Variants in PPP1R1C observed in about 807,000 individuals in gnomAD.
PPP1R1C encodes the protein protein phosphatase 1 regulatory subunit 1C.
In PPP1R1C, 15 loss-of-function variants were observed where a neutral mutation model predicts 17.4. The ratio of observed to expected loss-of-function variants is 0.86; its 90% confidence interval spans 0.58 to 1.33. PPP1R1C has a LOEUF of 1.33. Ranked by LOEUF, PPP1R1C falls within the 40% of genes most tolerant of loss-of-function variation. The pLI, the probability that PPP1R1C is intolerant of heterozygous loss-of-function variation, is 0.00. For missense variants in PPP1R1C, 143 were observed against 130.0 expected (o/e 1.10, Z -0.48); for synonymous variants, 35 against 43.1 (o/e 0.81, Z 0.73).
chr2:181,980,256 T>C (rs1685169206), intron 2 of PPP1R1C, among the ~76,000 whole-genome samples: 1 of 152,180 alleles, frequency 6.6e-6, no homozygotes, highest in Admixed American at 6.5e-5. Flanking sequence ...CATTTAATAA[T>C]CATCTCTCCA....
At chr2:181,994,310 AT>A (rs1169223837) in intron 2 of PPP1R1C, among the ~76,000 whole-genome samples, 2 of 152,200 alleles carry the variant, frequency 1.3e-5, no homozygotes, top group Admixed American at 1.3e-4. Context: ...AAGAAAAAAA[AT>A]GTAAGGATTG....
chr2:182,067,975 C>G (rs983561560), intron 4 of PPP1R1C, among the ~76,000 whole-genome samples: 1 of 152,102 alleles, frequency 6.6e-6, no homozygotes, highest in South Asian at 2.1e-4. Flanking sequence ...ATTACTGAAC[C>G]GGTATTCTTT....
At chr2:182,086,919 G>T (rs1688644280) in intron 4 of PPP1R1C, among the ~76,000 whole-genome samples, 1 of 143,368 alleles carries the variant, frequency 7.0e-6, no homozygotes, top group Non-Finnish European at 1.6e-5. Context: ...TTCACTACAG[G>T]GGAGAAAATA....
chr2:182,070,990 T>C (rs1379734746), intron 4 of PPP1R1C, among the ~76,000 whole-genome samples: 2 of 152,058 alleles, frequency 1.3e-5, no homozygotes, highest in Admixed American at 1.3e-4. Flanking sequence ...TGCTAACCCA[T>C]TCATGAAGGA....
chr2:182,078,164 G>T (rs2125210614), intron 4 of PPP1R1C, among the ~76,000 whole-genome samples: 1 of 152,262 alleles, frequency 6.6e-6, no homozygotes, highest in Admixed American at 6.5e-5. Flanking sequence ...TGGGTGAAAA[G>T]AACCTGAGCC....
At chr2:182,041,996 A>T (rs961132623) in intron 2 of PPP1R1C, among the ~76,000 whole-genome samples, 5 of 152,118 alleles carry the variant, frequency 3.3e-5, no homozygotes, top group Admixed American at 2.0e-4. Flanking sequence ...ACTTCTGGTA[A>T]TCTGGGTCAG....
At chr2:182,070,940 T>A (rs1351242781) in intron 4 of PPP1R1C, among the ~76,000 whole-genome samples, 1 of 151,822 alleles carries the variant, frequency 6.6e-6, no homozygotes. Context: ...TCACAATAAC[T>A]CCCTCACACA....
intron 5 of PPP1R1C, among the ~76,000 whole-genome samples, chr2:182,125,479 G>T (rs1316179172): frequency 1.3e-5 from 2 of 152,102 alleles, no homozygotes; most frequent in African/African-American, 4.8e-5. Context: ...AAAGGTACCA[G>T]CTCCTCTTTG....
At chr2:182,014,380 C>G (rs957844744) in intron 2 of PPP1R1C, among the ~76,000 whole-genome samples, 1 of 152,162 alleles carries the variant, frequency 6.6e-6, no homozygotes, top group Non-Finnish European at 1.5e-5. Flanking sequence ...TCTTTCATTA[C>G]TTTCCCCCAA....
chr2:181,987,585 G>T (rs1574354217), intron 1 of PPP1R1C, among the ~76,000 whole-genome samples: 1 of 152,212 alleles, frequency 6.6e-6, no homozygotes, highest in Non-Finnish European at 1.5e-5. Context: ...GTATCATTCA[G>T]TTGTATATAA....
rs1019512594 is a variant in PPP1R1C, at chr2:181,987,762, C to A, written c.82-77C>A. 4.1e-6 allele frequency: 6 copies of A among 1,462,172 alleles called. No individual in the cohort carries two copies. In the African/African-American group the frequency reaches 5.6e-5, roughly 14 times the overall value. The allele number at this position is 1,462,172 out of a possible 1,614,324, so 90.6% of individuals were successfully genotyped here. On this transcript the variant is annotated intron_variant, in intron 1 of 4. Transcript: ENST00000682840. Reference sequence around the variant, plus strand: ...ATGTGGGGAAAAGATGAGGGTGAGACAGCTTTGCAAGCTGCAGAGTAACCT... The same window carrying A: ...ATGTGGGGAAAAGATGAGGGTGAGAAAGCTTTGCAAGCTGCAGAGTAACCT...
intron 4 of PPP1R1C, among the ~76,000 whole-genome samples, chr2:182,081,848 G>A (rs905783545): frequency 2.0e-5 from 3 of 152,100 alleles, no homozygotes; most frequent in Admixed American, 1.3e-4. Flanking sequence ...ATATAGATTT[G>A]TTTATCCTGC....
At chr2:181,983,962 T>C (rs1386370687), upstream of PPP1R1C, among the ~76,000 whole-genome samples, 1 of 152,212 alleles carries the variant, frequency 6.6e-6, no homozygotes, top group East Asian at 1.9e-4. Context: ...CTGATCAACC[T>C]ATTCAAAATA....
At chr2:182,040,425 T>C (rs370708064) in intron 2 of PPP1R1C, among the ~76,000 whole-genome samples, 40 of 152,354 alleles carry the variant, frequency 2.6e-4, no homozygotes, top group African/African-American at 9.6e-4. Context: ...ATTTTCTTCA[T>C]ACATTTATTG....
chr2:182,109,534 A>C (rs1486467508), intron 4 of PPP1R1C, among the ~76,000 whole-genome samples: 2 of 152,136 alleles, frequency 1.3e-5, no homozygotes, highest in Non-Finnish European at 2.9e-5. Flanking sequence ...GTAGTGTCTG[A>C]ATCTAGATTA....
intron 4 of PPP1R1C, among the ~76,000 whole-genome samples, chr2:182,111,717 T>C (rs1363205731): frequency 6.6e-6 from 1 of 151,478 alleles, no homozygotes; most frequent in Non-Finnish European, 1.5e-5. Flanking sequence ...TTAAATTATA[T>C]TGAGTCATAA....
Position 182,040,672 on chromosome 2 carries a change from A to G in PPP1R1C, c.143-20770A>G, listed in dbSNP as rs1687154439. ...TTTTTGGTTTAAATAAATCCCATTT[A>G]TATATTTTTGTTTTTGTTGCATTTG... On this transcript the variant is annotated intron_variant, in intron 2 of 4. Coordinates refer to ENST00000682840, the MANE Select transcript of PPP1R1C (RefSeq NM_001080545.3). 3.3e-5 allele frequency among the ~76,000 whole-genome samples: 5 copies of G among 152,214 alleles called. No homozygotes were observed. In the South Asian group the frequency reaches 1.0e-3, roughly 32 times the overall value.
chr2:182,129,883 A>T (rs1441750414), exon 6 of PPP1R1C: 1 of 152,180 alleles, frequency 6.6e-6, no homozygotes, highest in African/African-American at 2.4e-5. Context: ...ACTTTTGCTA[A>T]TGAGGCTAAG....
At chr2:182,097,497 G>A (rs1250231119) in intron 4 of PPP1R1C, among the ~76,000 whole-genome samples, 1 of 152,156 alleles carries the variant, frequency 6.6e-6, no homozygotes, top group African/African-American at 2.4e-5. Flanking sequence ...AGTTCTAAGT[G>A]AATTGACAGG....
Sources: gnomAD v4.1 joint callset for allele counts (sites outside exome capture counted in the v4.1 genomes callset) on GRCh38, gnomAD v4.1.1 for gene constraint, MANE v1.5 for transcripts, NCBI Gene and HGNC (gene_info 2026-07-23, HGNC 2026-07-21) for gene names.